EFNB2: variants seen among roughly 807,000 people sequenced by gnomAD.
EFNB2 encodes the protein ephrin-B2.
In EFNB2, 5 loss-of-function variants were observed where a neutral mutation model predicts 32.1. The ratio of observed to expected loss-of-function variants is 0.16; its 90% CI spans 0.08 to 0.33. The LOEUF is 0.33. Ranked by LOEUF, EFNB2 falls within the 10% of genes least tolerant of loss-of-function variation. The probability of loss-of-function intolerance (pLI) is 1.00; values close to 1 mark genes in which losing one functional copy is unlikely to be tolerated. For missense variants in EFNB2, 263 were observed against 422.6 expected (o/e 0.62, Z 3.31); for synonymous variants, 168 against 166.5 (o/e 1.01, Z -0.07).
At position 106,532,071 on chromosome 13, in the gene EFNB2, A is replaced by AC. The variant is rs1189987523; in HGVS notation, c.122+2771_122+2772insG. Among the ~76,000 whole-genome samples, 232 of 78,464 alleles carry AC rather than the reference A, an allele frequency of 3.0e-3. 1 individual carries two copies. The highest frequency in any genetic ancestry group is 0.016 in the Admixed American group (99 of 6,244). 51.5% of individuals were successfully genotyped at this position (78,464 alleles called of 152,430 possible). On this transcript the variant is annotated intron_variant, in intron 1 of 4. Coordinates refer to ENST00000646441, the MANE Select transcript of EFNB2 (RefSeq NM_004093.4). ...TCTGCTGAATTAAAAAAAAAACAAAAAAAAAACCAAAACTTTAAACAACCA... is the reference window on the plus strand; with the variant it reads ...TCTGCTGAATTAAAAAAAAAACAAAACAAAAAACCAAAACTTTAAACAACCA...
At chr13:106,510,795 C>T (rs996357740) in intron 2 of EFNB2, among the ~76,000 whole-genome samples, 3 of 152,160 alleles carry the variant, frequency 2.0e-5, no homozygotes, top group Non-Finnish European at 2.9e-5. Flanking sequence ...GGAAGGATCA[C>T]AAGGTCAAGA....
rs982541223 is a variant in EFNB2 at position 106,492,787 on chromosome 13, G to A, written c.*253C>T. On this transcript the variant is annotated 3_prime_UTR_variant, in exon 5 of 5. Coordinates refer to ENST00000646441, the MANE Select transcript of EFNB2 (RefSeq NM_004093.4). The surrounding 1 kb of genome is among the most constrained non-coding windows in gnomAD (Gnocchi z 5.1). Reference sequence around the variant, plus strand: ...TGGCTTCGAGGAGGAGACGTGGGACGCGGCACAGCAGTCCGAATGGGCGTC... The same window carrying A: ...TGGCTTCGAGGAGGAGACGTGGGACACGGCACAGCAGTCCGAATGGGCGTC... 3 of 418,074 alleles carry A rather than the reference G, an allele frequency of 7.2e-6. No individual in the cohort carries two copies. Among genetic ancestry groups the A allele is most frequent in the South Asian group, 5.0e-5 (1 of 19,810 alleles). The allele number at this position is 418,074 out of a possible 1,614,324, so 25.9% of individuals were successfully genotyped here. A position where few individuals can be genotyped will look rare whatever the true frequency, so the allele number is the denominator to read the frequency against.
In EFNB2 at chr13:106,500,897, T is replaced by C. The variant is rs1031807819; in HGVS notation, c.407-5057A>G. On this transcript the variant is annotated intron_variant, in intron 2 of 4. Coordinates refer to ENST00000646441, the MANE Select transcript of EFNB2 (RefSeq NM_004093.4). Reference sequence around the variant, plus strand: ...AACATGGAAAGCAAAGCCGTGACTTTAAAATAAACACAAACACAACAACAA... The same window carrying C: ...AACATGGAAAGCAAAGCCGTGACTTCAAAATAAACACAAACACAACAACAA... 3.3e-5 allele frequency among the ~76,000 whole-genome samples: 5 copies of C among 152,306 alleles called. 1 individual carries two copies. In the East Asian group the frequency reaches 5.8e-4, roughly 18 times the overall value.
At chr13:106,501,678 T>C (rs551862782) in intron 2 of EFNB2, among the ~76,000 whole-genome samples, 243 of 152,076 alleles carry the variant, frequency 1.6e-3, no homozygotes, top group Non-Finnish European at 2.6e-3. Context: ...CCACAAGCTC[T>C]GCCTCCCAGG....
Position 106,501,488 on chromosome 13 carries a change from CT to C in EFNB2, c.407-5649del, listed in dbSNP as rs551938894. The stretch of plus-strand genomic sequence containing the variant: ...CAGCATTACTTCAAATCACATAGCA[CT>C]TCATCCTATAATACCAAATTTGCCT... On this transcript the variant is annotated intron_variant, in intron 2 of 4. Transcript: ENST00000646441. 6.8e-3 allele frequency among the ~76,000 whole-genome samples: 1,033 copies of C among 152,244 alleles called. 6 individuals carry two copies. Among genetic ancestry groups the C allele is most frequent in the Non-Finnish European group, 1.0e-2 (678 of 68,014 alleles).
intron 2 of EFNB2, among the ~76,000 whole-genome samples, chr13:106,511,481 T>TA (rs978331277): frequency 3.3e-5 from 5 of 152,010 alleles, no homozygotes; most frequent in African/African-American, 1.2e-4. Context: ...ACCCTGTCTC[T>TA]AAAAAAATAA....
At chr13:106,517,938 C>T (rs189838831) in intron 1 of EFNB2, 3 of 152,288 alleles carry the variant, frequency 2.0e-5, no homozygotes, top group Admixed American at 1.3e-4. Context: ...GATACTTTGG[C>T]TAAGTCTAAT....
Position 106,492,027 on chromosome 13 carries a change from C to T in EFNB2, c.*1013G>A, listed in dbSNP as rs1158983828. The T allele has an allele frequency of 6.6e-6, 1 of 152,632 alleles. No homozygotes were observed. The highest frequency in any genetic ancestry group is 1.5e-5 in the Non-Finnish European group (1 of 68,090). 9.5% of individuals were successfully genotyped at this position (152,632 alleles called of 1,614,324 possible). On this transcript the variant is annotated 3_prime_UTR_variant, in exon 5 of 5. Coordinates refer to ENST00000646441, the MANE Select transcript of EFNB2 (RefSeq NM_004093.4). The surrounding 1 kb of genome is among the most constrained non-coding windows in gnomAD (Gnocchi z 5.1). ...GCCCGAATATATCATCAGCGGCCTACTTTCTCCCTTCCCTCCAAGCCTGTT... is the reference window on the plus strand; with the variant it reads ...GCCCGAATATATCATCAGCGGCCTATTTTCTCCCTTCCCTCCAAGCCTGTT...
rs528431436 is a variant in EFNB2, at chr13:106,491,245, G to A, written c.*1795C>T. The A allele has an allele frequency of 3.9e-5, 6 of 152,740 alleles. No individual in the cohort carries two copies. Among genetic ancestry groups the A allele is most frequent in the East Asian group, 3.9e-4 (2 of 5,182 alleles). 9.5% of individuals were successfully genotyped at this position (152,740 alleles called of 1,614,324 possible). On this transcript the variant is annotated 3_prime_UTR_variant, in exon 5 of 5. Coordinates refer to ENST00000646441, the MANE Select transcript of EFNB2 (RefSeq NM_004093.4). ...GTTAAATATATGATGCAGTCACATC[G>A]GCTTCCTGCTCTGTGGGGCTCGTAC...
chr13:106,504,574 A>G (rs1878889460), intron 2 of EFNB2, among the ~76,000 whole-genome samples: 1 of 152,126 alleles, frequency 6.6e-6, no homozygotes, highest in African/African-American at 2.4e-5. Flanking sequence ...ATCCAGAGCA[A>G]TTTCCCGCGT....
At chr13:106,521,216 A>G (rs1428150401) in intron 1 of EFNB2, 2 of 139,726 alleles carry the variant, frequency 1.4e-5, no homozygotes, top group East Asian at 4.7e-4. Context: ...CTGAGAGCAA[A>G]GACTAGATGG....
At chr13:106,512,853 T>C (rs747870556) in intron 1 of EFNB2, 41 bp from the exon 2 acceptor site, 2 of 1,504,732 alleles carry the variant, frequency 1.3e-6, no homozygotes, top group Middle Eastern at 2.1e-4. Context: ...TTGATAAAAA[T>C]TAACAGTATT....
chr13:106,495,210 T>C (rs1234390341), intron 3 of EFNB2, among the ~76,000 whole-genome samples: 1 of 152,232 alleles, frequency 6.6e-6, no homozygotes, highest in Non-Finnish European at 1.5e-5. Flanking sequence ...GTGGAAACTA[T>C]AGGGATTCTT....
intron 1 of EFNB2, 126 bp downstream of exon 1, chr13:106,534,717 G>T: frequency 1.8e-6 from 2 of 1,133,036 alleles, no homozygotes; most frequent in Non-Finnish European, 2.5e-6. Flanking sequence ...GGGGTTGGGG[G>T]TGGGGGACGG....
intron 2 of EFNB2, among the ~76,000 whole-genome samples, chr13:106,500,479 G>C (rs1049558141): frequency 6.6e-6 from 1 of 152,150 alleles, no homozygotes; most frequent in African/African-American, 2.4e-5. Context: ...ATTTGTATGG[G>C]GCCAGGATGG....
rs537791466 is a variant in EFNB2, at chr13:106,502,839, C to T, written c.407-6999G>A. 6.2e-3 allele frequency among the ~76,000 whole-genome samples: 524 copies of T among 84,126 alleles called. 2 individuals carry two copies. Among genetic ancestry groups the T allele is most frequent in the African/African-American group, 0.031 (506 of 16,242 alleles). 55.2% of individuals were successfully genotyped at this position (84,126 alleles called of 152,430 possible). A position where few individuals can be genotyped will look rare whatever the true frequency, so the allele number is the denominator to read the frequency against. On this transcript the variant is annotated intron_variant, in intron 2 of 4. Coordinates refer to ENST00000646441, the MANE Select transcript of EFNB2 (RefSeq NM_004093.4). Reference sequence around the variant, plus strand: ...CTACAGACACTCAAGAGTGAAAAGACGGAAGAGCAGAAAGTGATGGCAGGT... The same window carrying T: ...CTACAGACACTCAAGAGTGAAAAGATGGAAGAGCAGAAAGTGATGGCAGGT...
chr13:106,494,721 G>A lies in EFNB2; in HGVS notation c.613+160C>T, dbSNP rs192552755. 5.9e-5 allele frequency among the ~76,000 whole-genome samples: 9 copies of A among 152,178 alleles called. No individual in the cohort carries two copies. In the East Asian group the frequency reaches 1.7e-3, roughly 29 times the overall value. On this transcript the variant is annotated intron_variant, in intron 4 of 4. Transcript: ENST00000646441. Reference sequence around the variant, plus strand: ...ATGAGTTATTTTGTTCTTATTGAGTGTAATTAATAATGACTCACTGACAGC... The same window carrying A: ...ATGAGTTATTTTGTTCTTATTGAGTATAATTAATAATGACTCACTGACAGC...
At chr13:106,523,308 T>C (rs1879596912) in intron 1 of EFNB2, among the ~76,000 whole-genome samples, 1 of 152,030 alleles carries the variant, frequency 6.6e-6, no homozygotes, top group South Asian at 2.1e-4. Flanking sequence ...CTTAGGAAAA[T>C]AGAAACAGCG....
intron 1 of EFNB2, among the ~76,000 whole-genome samples, chr13:106,528,998 G>A (rs1317260782): frequency 6.6e-6 from 1 of 152,070 alleles, no homozygotes; most frequent in Non-Finnish European, 1.5e-5. Context: ...TGGCATATTG[G>A]ATTACTACTC....
Sources: gnomAD v4.1 joint callset for allele counts (sites outside exome capture counted in the v4.1 genomes callset) on GRCh38, gnomAD v4.1.1 for gene constraint, Gnocchi (gnomAD v3.1) non-coding constraint, MANE v1.5 for transcripts, NCBI Gene and HGNC (gene_info 2026-07-23, HGNC 2026-07-21) for gene names.